The following ALPP variants were observed in gnomAD, a reference collection of about 807,000 sequenced individuals.
The protein encoded by ALPP is alkaline phosphatase, placental.
In ALPP, 39 loss-of-function variants were observed where a neutral mutation model predicts 50.7. The observed-to-expected ratio is 0.77, with a 90% CI of 0.60 to 1.00. The LOEUF (loss-of-function observed/expected upper bound fraction) is 1.00, where lower values mean the gene tolerates loss of function less well. Ranked by LOEUF, ALPP falls within the 50% of genes least tolerant of loss-of-function variation. The pLI, the probability that ALPP is intolerant of heterozygous loss-of-function variation, is 0.00. For synonymous variants in ALPP, 226 were observed against 320.3 expected (o/e 0.71, Z 3.14); for missense variants, 550 against 746.8 (o/e 0.74, Z 3.07).
rs562211952 is a variant in ALPP, at chr2:232,381,788, C to T, written c.1601C>T (p.Ala534Val). The change falls in exon 11 of 11, where the codon GCT becomes GTT. Residue 534 changes from alanine (A) to valine (V), a missense_variant. Ala to Val is a moderately conservative substitution (Grantham distance 64). Around this residue, in one of 5 missense-constraint regions of ALPP, gnomAD observed 155 missense variants for 167.6 expected, o/e 0.92. Coordinates refer to ENST00000392027, the MANE Select transcript of ALPP (RefSeq NM_001632.5). ...GTLLLLETAT[A>V]P ...CTGCTGCTGCTGGAGACGGCCACTGCTCCCTGAGTGTCCCGTCCCTGGGGC... is the reference window on the plus strand; with the variant it reads ...CTGCTGCTGCTGGAGACGGCCACTGTTCCCTGAGTGTCCCGTCCCTGGGGC... The T allele has an allele frequency of 4.6e-5, 73 of 1,578,234 alleles. No homozygotes were observed. In the African/African-American group the frequency reaches 8.5e-4, roughly 18 times the overall value.
In ALPP at chr2:232,381,603, C is replaced by A; in HGVS notation, c.1416C>A (p.His472Gln). ...GCGGCCCGCAGGCGCACCTGGTTCA[C>A]GGCGTGCAGGAGCAGACCTTCATAG... is the stretch of plus-strand genomic sequence containing the variant. ...FARGPQAHLV[H>Q]GVQEQTFIAH... The change falls in exon 11 of 11, where the codon CAC (histidine) becomes CAA (glutamine). Residue 472 changes from histidine (H) to glutamine (Q), a missense_variant. This residue lies in a region of ALPP where 155 missense variants were observed against 167.6 expected (regional missense o/e 0.92). Coordinates refer to ENST00000392027, the MANE Select transcript of ALPP (RefSeq NM_001632.5). The A allele has an allele frequency of 6.2e-7, 1 of 1,612,624 alleles. No individual in the cohort carries two copies. Among genetic ancestry groups the A allele is most frequent in the Admixed American group, 1.7e-5 (1 of 59,940 alleles).
Position 232,379,289 on chromosome 2 carries a change from C to T in ALPP, c.283C>T (p.Arg95Cys), listed in dbSNP as rs537502520. The part of the protein sequence containing the change: ...LGPEIPLAMD[R>C]FPYVALSKTY... Reference sequence around the variant, plus strand: ...GCCTGAGATACCCCTGGCCATGGACCGCTTCCCATATGTGGCTCTGTCCAA... The same window carrying T: ...GCCTGAGATACCCCTGGCCATGGACTGCTTCCCATATGTGGCTCTGTCCAA... The change falls in exon 3 of 11, where the codon CGC (arginine) becomes TGC (cysteine). Residue 95 changes from arginine (R) to cysteine (C), a missense_variant. Coordinates refer to ENST00000392027, the MANE Select transcript of ALPP (RefSeq NM_001632.5). 64 of 1,613,978 alleles carry T rather than the reference C, an allele frequency of 4.0e-5. No individual in the cohort carries two copies. The highest frequency in any genetic ancestry group is 2.4e-4 in the South Asian group (22 of 91,072).
In ALPP at chr2:232,379,701, C is replaced by T. The variant is rs370642937; in HGVS notation, c.484+14C>T. ...CCAAGAAAGCAGGTGAGCTGGGGCC[C>T]GCTGCTGGGTCACGGCCAGGTCACA... On this transcript the variant is annotated intron_variant, in intron 4 of 10. Transcript: ENST00000392027. 4.0e-5 allele frequency: 65 copies of T among 1,613,810 alleles called. No homozygotes were observed. The highest frequency in any genetic ancestry group is 5.1e-5 in the Non-Finnish European group (60 of 1,179,972).
rs190656068 is a variant in ALPP at position 232,378,962 on chromosome 2, C to A, written c.77-9C>A. On this transcript the variant is annotated splice_polypyrimidine_tract_variant and intron_variant, in intron 1 of 10. Coordinates refer to ENST00000392027, the MANE Select transcript of ALPP (RefSeq NM_001632.5). Reference sequence around the variant, plus strand: ...AGGCTGACCTGATTTTTGCTCTCCCCCTGGCCAGTTGAGGAGGAGAACCCG... The same window carrying A: ...AGGCTGACCTGATTTTTGCTCTCCCACTGGCCAGTTGAGGAGGAGAACCCG... 3.6e-3 allele frequency: 5,832 copies of A among 1,614,116 alleles called. 14 individuals are homozygous for A. The highest frequency in any genetic ancestry group is 5.8e-3 in the Middle Eastern group (35 of 6,056).
In ALPP at chr2:232,381,945, CTGGGG is replaced by C; in HGVS notation, c.*151_*155del. The C allele has an allele frequency of 7.8e-7, 1 of 1,274,294 alleles. No individual in the cohort carries two copies. The highest frequency in any genetic ancestry group is 1.1e-6 in the Non-Finnish European group (1 of 949,242). The allele number at this position is 1,274,294 out of a possible 1,614,324, so 78.9% of individuals were successfully genotyped here. A position where few individuals can be genotyped will look rare whatever the true frequency, so the allele number is the denominator to read the frequency against. On this transcript the variant is annotated 3_prime_UTR_variant, in exon 11 of 11. Transcript: ENST00000392027. Reference sequence around the variant, plus strand: ...TGGAACCTTCCCCTCCCCGTGCGCTCTGGGGACTGAGCCCATGACACCAAACCTGC... The same window carrying C: ...TGGAACCTTCCCCTCCCCGTGCGCTCACTGAGCCCATGACACCAAACCTGC...
chr2:232,379,854 C>T lies in ALPP; in HGVS notation c.575C>T (p.Ser192Leu), dbSNP rs147926516. The change falls in exon 5 of 11, where the codon TCG becomes TTG. Residue 192 changes from serine to leucine, a missense_variant. Ser to Leu is a moderately radical substitution (Grantham distance 145). Around this residue, in one of 5 missense-constraint regions of ALPP, gnomAD observed 376 missense variants for 388.5 expected, o/e 0.97. Coordinates refer to ENST00000392027, the MANE Select transcript of ALPP (RefSeq NM_001632.5). ...YAHTVNRNWYSDADVPASARQ... is the reference protein window; with the variant it reads ...YAHTVNRNWYLDADVPASARQ... ...CACACGGTGAACCGCAACTGGTACTCGGACGCCGACGTGCCTGCCTCCGCC... is the reference window on the plus strand; with the variant it reads ...CACACGGTGAACCGCAACTGGTACTTGGACGCCGACGTGCCTGCCTCCGCC... 22 of 1,613,434 alleles carry T rather than the reference C, an allele frequency of 1.4e-5. No homozygotes were observed. The highest frequency in any genetic ancestry group is 1.7e-4 in the Middle Eastern group (1 of 6,040).
At position 232,379,681 on chromosome 2, in the gene ALPP, A is replaced by C. The variant is rs1314117379; in HGVS notation, c.478A>C (p.Lys160Gln). The part of the protein sequence containing the change: ...EVISVMNRAK[K>Q]AGKSVGVVTT... ...CATCTCCGTGATGAATCGGGCCAAGAAAGCAGGTGAGCTGGGGCCCGCTGC... is the reference window on the plus strand; with the variant it reads ...CATCTCCGTGATGAATCGGGCCAAGCAAGCAGGTGAGCTGGGGCCCGCTGC... Residue 160 changes from lysine to glutamine, a missense_variant, in exon 4 of 11, where the codon AAA becomes CAA. Lys to Gln is a moderately conservative substitution (Grantham distance 53, BLOSUM62 1). Coordinates refer to ENST00000392027, the MANE Select transcript of ALPP (RefSeq NM_001632.5). 6.2e-7 allele frequency: 1 copy of C among 1,613,854 alleles called. No homozygotes were observed. The highest frequency in any genetic ancestry group is 1.3e-5 in the African/African-American group (1 of 74,924).
chr2:232,380,466 T>A lies in ALPP; in HGVS notation c.839T>A (p.Leu280Gln), dbSNP rs1249612718. ...CGCACTGAGCTCATGCAGGCTTCCC[T>A]GGACCCGTCTGTGACCCATCTCATG... ...WNRTELMQAS[L>Q]DPSVTHLMGL... The change falls in exon 7 of 11, where the codon CTG becomes CAG. Residue 280 changes from leucine to glutamine, a missense_variant. Leu to Gln is a moderately radical substitution (Grantham distance 113, BLOSUM62 -2). Transcript: ENST00000392027. 2 of 1,613,962 alleles carry A rather than the reference T, an allele frequency of 1.2e-6. No homozygotes were observed.
intron 3 of ALPP, 32 bp downstream of exon 3, chr2:232,379,347 G>A: frequency 6.2e-7 from 1 of 1,611,560 alleles, no homozygotes; most frequent in East Asian, 2.2e-5. Context: ...AGTCCTCCAA[G>A]CACAGAAGGG....
intron 5 of ALPP, 67 bp from the exon 6 acceptor site, chr2:232,380,119 G>A: frequency 1.2e-6 from 2 of 1,611,280 alleles, no homozygotes; most frequent in Non-Finnish European, 1.7e-6. Flanking sequence ...GTCAGGGGCT[G>A]TGCATGAGGA....
At chr2:232,380,098 T>C in intron 5 of ALPP, 88 bp from the exon 6 acceptor site, 1 of 1,602,220 alleles carries the variant, frequency 6.2e-7, no homozygotes, top group Non-Finnish European at 8.5e-7. Context: ...CCCACAGCCT[T>C]GGGGAGGGGA....
At chr2:232,379,384 A>C in intron 3 of ALPP, 69 bp downstream of exon 3, 1 of 1,596,376 alleles carries the variant, frequency 6.3e-7, no homozygotes, top group South Asian at 1.1e-5. Flanking sequence ...GTGTGGTAGG[A>C]GGGAGGGACC....
In ALPP at chr2:232,379,045, G is replaced by C. The variant is rs143242542; in HGVS notation, c.151G>C (p.Ala51Pro). The C allele has an allele frequency of 6.2e-7, 1 of 1,614,126 alleles. No homozygotes were observed. The highest frequency in any genetic ancestry group is 8.5e-7 in the Non-Finnish European group (1 of 1,180,036). Reference protein sequence around the residue: ...ALGAAKKLQPAQTAAKNLIIF... With the variant: ...ALGAAKKLQPPQTAAKNLIIF... ...GGGTGCCGCCAAGAAGCTGCAGCCT[G>C]CACAGACAGCCGCCAAGAACCTCAT... Residue 51 changes from alanine to proline, a missense_variant, in exon 2 of 11, where the codon GCA becomes CCA. Around this residue, in one of 5 missense-constraint regions of ALPP, gnomAD observed 376 missense variants for 388.5 expected, o/e 0.97. Transcript: ENST00000392027.
rs1696730980 is a variant in ALPP, at chr2:232,382,149, C to CCG, written c.*356_*357dup. 1 of 388,628 alleles carries CCG rather than the reference C, an allele frequency of 2.6e-6. No homozygotes were observed. The highest frequency in any genetic ancestry group is 4.2e-5 in the Admixed American group (1 of 23,732). The allele number at this position is 388,628 out of a possible 1,614,324, so 24.1% of individuals were successfully genotyped here. A position where few individuals can be genotyped will look rare whatever the true frequency, so the allele number is the denominator to read the frequency against. ...AAAAGAAGCACCCAGACCCCGCGCC[C>CCG]CGCTGATCTTTGCTTCAGTCCTTGA... On this transcript the variant is annotated 3_prime_UTR_variant, in exon 11 of 11. Transcript: ENST00000392027.
Position 232,382,075 on chromosome 2 carries a change from A to G in ALPP, c.*280A>G. On this transcript the variant is annotated 3_prime_UTR_variant, in exon 11 of 11. Transcript: ENST00000392027. ...GGAAAGGAGGGGGCTCAGGCCATCCAGCCACCACCTACAGCCCAGTGGGTA... is the reference window on the plus strand; with the variant it reads ...GGAAAGGAGGGGGCTCAGGCCATCCGGCCACCACCTACAGCCCAGTGGGTA... The G allele has an allele frequency of 1.7e-6, 1 of 586,880 alleles. No homozygotes were observed. Among genetic ancestry groups the G allele is most frequent in the Non-Finnish European group, 3.0e-6 (1 of 336,396 alleles). 36.4% of individuals were successfully genotyped at this position (586,880 alleles called of 1,614,324 possible). A position where few individuals can be genotyped will look rare whatever the true frequency, so the allele number is the denominator to read the frequency against.
At position 232,379,207 on chromosome 2, in the gene ALPP, G is replaced by T. The variant is rs761438174; in HGVS notation, c.201G>T (p.Gly67=). 6.2e-7 allele frequency: 1 copy of T among 1,614,080 alleles called. No individual in the cohort carries two copies. Among genetic ancestry groups the T allele is most frequent in the Non-Finnish European group, 8.5e-7 (1 of 1,180,008 alleles). ...ACATTTCTGTTCCTTCAGGGATGGG[G>T]GTGTCTACGGTGACAGCTGCCAGGA... The part of the protein sequence containing the change: ...NLIIFLGDGM[G]VSTVTAARIL... The change falls in exon 3 of 11, where the codon GGG becomes GGT. Residue 67 remains glycine (G), a synonymous_variant. Coordinates refer to ENST00000392027, the MANE Select transcript of ALPP (RefSeq NM_001632.5).
chr2:232,379,899 A>G lies in ALPP; in HGVS notation c.620A>G (p.Asp207Gly). The G allele has an allele frequency of 1.2e-6, 2 of 1,612,830 alleles. No individual in the cohort carries two copies. The highest frequency in any genetic ancestry group is 1.7e-6 in the Non-Finnish European group (2 of 1,179,644). The change falls in exon 5 of 11, where the codon GAC becomes GGC. Residue 207 changes from aspartate to glycine, a missense_variant. Coordinates refer to ENST00000392027, the MANE Select transcript of ALPP (RefSeq NM_001632.5). ...PASARQEGCQ[D>G]IATQLISNMD... ...TCCGCCCGCCAGGAGGGGTGCCAGG[A>G]CATCGCTACGCAGCTCATCTCCAAC...
rs1049054 is a variant in ALPP at position 232,382,151 on chromosome 2, G to C, written c.*356G>C. ...AAGAAGCACCCAGACCCCGCGCCCC[G>C]CTGATCTTTGCTTCAGTCCTTGAAT... On this transcript the variant is annotated 3_prime_UTR_variant, in exon 11 of 11. Coordinates refer to ENST00000392027, the MANE Select transcript of ALPP (RefSeq NM_001632.5). 5 of 375,750 alleles carry C rather than the reference G, an allele frequency of 1.3e-5. No homozygotes were observed. Among genetic ancestry groups the C allele is most frequent in the Non-Finnish European group, 1.9e-5 (4 of 207,978 alleles). 23.3% of individuals were successfully genotyped at this position (375,750 alleles called of 1,614,324 possible). A position where few individuals can be genotyped will look rare whatever the true frequency, so the allele number is the denominator to read the frequency against.
chr2:232,380,280 A>C lies in ALPP; in HGVS notation c.752A>C (p.Asp251Ala). The C allele has an allele frequency of 1.2e-6, 2 of 1,613,928 alleles. No individual in the cohort carries two copies. The highest frequency in any genetic ancestry group is 1.3e-5 in the African/African-American group (1 of 74,976). Residue 251 changes from aspartate (D) to alanine (A), a missense_variant, in exon 6 of 11, where the codon GAC (aspartate) becomes GCC (alanine). Physicochemically the swap from Asp to Ala is moderately radical, Grantham distance 126. Coordinates refer to ENST00000392027, the MANE Select transcript of ALPP (RefSeq NM_001632.5). ...DDYSQGGTRL[D>A]GKNLVQEWLA... The stretch of plus-strand genomic sequence containing the variant: ...TACAGCCAAGGTGGGACCAGGCTGG[A>C]CGGGAAGAATCTGGTGCAGGAATGG...
Sources: allele counts gnomAD v4.1 joint callset, GRCh38; gene constraint gnomAD v4.1.1; regional missense constraint gnomAD v4.1.1; transcripts MANE v1.5; gene names NCBI Gene and HGNC (gene_info 2026-07-23, HGNC 2026-07-21).